The following CAPN5 variants were observed in gnomAD, a reference collection of about 807,000 sequenced individuals.
CAPN5 encodes the protein calpain-5.
Under a neutral mutation model 73.0 loss-of-function variants are expected in CAPN5, and 54 were observed. The ratio of observed to expected loss-of-function variants is 0.74; its 90% CI spans 0.59 to 0.93. CAPN5 has a LOEUF of 0.93. Ranked by LOEUF, CAPN5 falls within the 40% of genes least tolerant of loss-of-function variation. The probability of loss-of-function intolerance (pLI) is 0.00; values close to 1 mark genes in which losing one functional copy is unlikely to be tolerated. For synonymous variants in CAPN5, 335 were observed against 356.9 expected (o/e 0.94, Z 0.69); for missense variants, 785 against 882.9 (o/e 0.89, Z 1.41).
At chr11:77,102,752 G>A in intron 3 of CAPN5, 1 of 1,426,330 alleles carries the variant, frequency 7.0e-7, no homozygotes, top group Non-Finnish European at 9.2e-7. Context: ...AAAGTAGGTG[G>A]GGCCCCCCTT....
intron 1 of CAPN5, among the ~76,000 whole-genome samples, chr11:77,073,744 G>T (rs1949936364): frequency 6.6e-6 from 1 of 152,210 alleles, no homozygotes; most frequent in South Asian, 2.1e-4. Flanking sequence ...ACACAGAAAC[G>T]ATAAGGGAAG....
intron 3 of CAPN5, among the ~76,000 whole-genome samples, chr11:77,110,081 G>A (rs1555040531): frequency 6.6e-6 from 1 of 151,878 alleles, no homozygotes; most frequent in East Asian, 1.9e-4. Flanking sequence ...CATTTGTGCA[G>A]TGGGAATGGT....
In CAPN5 at chr11:77,093,766, G is replaced by T. The variant is rs201227214; in HGVS notation, c.250G>T (p.Val84Leu). 668 of 1,612,246 alleles carry T rather than the reference G, an allele frequency of 4.1e-4. No homozygotes were observed. Among genetic ancestry groups the T allele is most frequent in the Non-Finnish European group, 5.2e-4 (615 of 1,179,980 alleles). The change falls in exon 3 of 13, where the codon GTG (valine) becomes TTG (leucine). Residue 84 changes from valine to leucine, a missense_variant. Transcript: ENST00000648180. ...HQGQVGNCWF[V>L]AACSSLASRE... Reference sequence around the variant, plus strand: ...GGGCCAGGTGGGCAACTGCTGGTTTGTGGCAGCCTGCTCGTCACTTGCCTC... The same window carrying T: ...GGGCCAGGTGGGCAACTGCTGGTTTTTGGCAGCCTGCTCGTCACTTGCCTC...
At chr11:77,100,619 C>T (rs1403666295) in intron 3 of CAPN5, among the ~76,000 whole-genome samples, 7 of 152,134 alleles carry the variant, frequency 4.6e-5, no homozygotes, top group African/African-American at 1.2e-4. Context: ...CAGTGCTGCC[C>T]GGACCACAGC....
chr11:77,102,409 G>A (rs543218366), intron 3 of CAPN5, among the ~76,000 whole-genome samples: 81 of 152,292 alleles, frequency 5.3e-4, no homozygotes, highest in Admixed American at 2.0e-3. Flanking sequence ...CTGCTCCTGC[G>A]GGTCTTGCAT....
At chr11:77,099,901 A>C (rs1341028137) in intron 3 of CAPN5, among the ~76,000 whole-genome samples, 3 of 152,010 alleles carry the variant, frequency 2.0e-5, no homozygotes, top group African/African-American at 4.8e-5. Flanking sequence ...CAATGGTGCG[A>C]TCACGGCTCA....
intron 1 of CAPN5, chr11:77,073,162 G>GCCTGGGACTGTGGGTTT (rs1832928605): frequency 8.1e-7 from 1 of 1,236,680 alleles, no homozygotes; most frequent in South Asian, 1.2e-5. Flanking sequence ...GCACTGGGTT[G>GCCTGGGACTGTGGGTTT]CCTGGGACTG....
At chr11:77,114,641 C>T (rs1357394214) in intron 5 of CAPN5, among the ~76,000 whole-genome samples, 3 of 152,214 alleles carry the variant, frequency 2.0e-5, no homozygotes, top group Non-Finnish European at 2.9e-5. Context: ...TCAACCAAAA[C>T]TTCTTTTCTG....
chr11:77,115,440 G>A lies in CAPN5; in HGVS notation c.745G>A (p.Val249Ile), dbSNP rs1463855627. ...GGAGGCCCGCCTGGCGTGCGGCCTG[G>A]TAAAGGGCCACGCATACGCCGTCAC... ...DMEARLACGL[V>I]KGHAYAVTDV... Residue 249 changes from valine (V) to isoleucine (I), a missense_variant, in exon 6 of 13, where the codon GTA becomes ATA. Physicochemically the swap from Val to Ile is conservative, Grantham distance 29. Transcript: ENST00000648180. The A allele has an allele frequency of 6.2e-7, 1 of 1,611,100 alleles. No homozygotes were observed. The highest frequency in any genetic ancestry group is 1.3e-5 in the African/African-American group (1 of 75,032).
Position 77,118,274 on chromosome 11 carries a change from G to A in CAPN5, c.1089G>A (p.Trp363Ter), listed in dbSNP as rs1555042104. Residue 363 changes from tryptophan to a stop codon, truncating the protein, a stop_gained, in exon 8 of 13, where the codon TGG (tryptophan) becomes TGA (stop). Coordinates refer to ENST00000648180, the MANE Select transcript of CAPN5 (RefSeq NM_004055.5). LOFTEE classifies it high-confidence loss of function. ...TWEEARLHGA[W>*]TLHEDPRQNR... is the part of the protein sequence containing the mutation. ...AGGAGGCCCGGCTGCATGGCGCCTGGACGCTGCATGAGGACCCGCGACAGA... is the reference window on the plus strand; with the variant it reads ...AGGAGGCCCGGCTGCATGGCGCCTGAACGCTGCATGAGGACCCGCGACAGA... 6.2e-7 allele frequency: 1 copy of A among 1,613,982 alleles called. No individual in the cohort carries two copies. The highest frequency in any genetic ancestry group is 1.1e-5 in the South Asian group (1 of 91,052).
At chr11:77,084,727 G>T (rs1950063541) in intron 1 of CAPN5, 125 bp from the exon 2 acceptor site, 2 of 768,444 alleles carry the variant, frequency 2.6e-6, no homozygotes, top group Admixed American at 4.2e-5. Flanking sequence ...GTGTGACCTT[G>T]GGTAGGCTCC....
At chr11:77,086,289 C>G (rs782232884) in intron 2 of CAPN5, among the ~76,000 whole-genome samples, 1 of 152,160 alleles carries the variant, frequency 6.6e-6, no homozygotes, top group African/African-American at 2.4e-5. Context: ...GCTATGATCT[C>G]GAGTCCCTTC....
intron 3 of CAPN5, among the ~76,000 whole-genome samples, chr11:77,106,150 T>C (rs1555039816): frequency 6.6e-6 from 1 of 152,028 alleles, no homozygotes; most frequent in Non-Finnish European, 1.5e-5. Context: ...ACCCCACCAC[T>C]CTCCTGGGTC....
intron 3 of CAPN5, 109 bp downstream of exon 3, chr11:77,093,922 C>A (rs1450739016): frequency 1.4e-6 from 2 of 1,470,014 alleles, no homozygotes; most frequent in African/African-American, 1.4e-5. Context: ...CTTTCAAAAG[C>A]CTGTGCCAGG....
intron 4 of CAPN5, 117 bp downstream of exon 4, chr11:77,112,914 C>A: frequency 1.0e-6 from 1 of 964,796 alleles, no homozygotes; most frequent in Non-Finnish European, 1.6e-6. Context: ...GGGGCTGGTG[C>A]AGGCACGCAG....
chr11:77,068,676 G>A (rs2135400956), intron 1 of CAPN5, among the ~76,000 whole-genome samples: 1 of 152,292 alleles, frequency 6.6e-6, no homozygotes, highest in South Asian at 2.1e-4. Flanking sequence ...AAAGCAGGGA[G>A]AGGGCCCTCC....
chr11:77,102,747 A>G, intron 3 of CAPN5: 1 of 1,406,756 alleles, frequency 7.1e-7, no homozygotes, highest in Non-Finnish European at 9.3e-7. Flanking sequence ...GGCAGAAAGT[A>G]GGTGGGGCCC....
chr11:77,097,428 C>T lies in CAPN5; in HGVS notation c.297+3615C>T, dbSNP rs76428282. 2.8e-4 allele frequency among the ~76,000 whole-genome samples: 41 copies of T among 146,330 alleles called. No homozygotes were observed. In the East Asian group the frequency reaches 8.0e-3, roughly 29 times the overall value. ...ACTTAAGGCTTTCATTCATCAGACACGATCAGTGTTAAGGGGTTTCCTGTG... is the reference window on the plus strand; with the variant it reads ...ACTTAAGGCTTTCATTCATCAGACATGATCAGTGTTAAGGGGTTTCCTGTG... On this transcript the variant is annotated intron_variant, in intron 3 of 12. Coordinates refer to ENST00000648180, the MANE Select transcript of CAPN5 (RefSeq NM_004055.5).
intron 12 of CAPN5, 108 bp from the exon 13 acceptor site, chr11:77,123,580 C>G: frequency 1.1e-6 from 1 of 919,798 alleles, no homozygotes; most frequent in South Asian, 1.6e-5. Context: ...GATCCTCAGC[C>G]AGGCTTGCAC....
Sources: allele counts gnomAD v4.1 joint callset (sites outside exome capture counted in the v4.1 genomes callset), GRCh38; gene constraint gnomAD v4.1.1; transcripts MANE v1.5; gene names NCBI Gene and HGNC (gene_info 2026-07-23, HGNC 2026-07-21).